KIAA0319: variants seen among roughly 807,000 people sequenced by gnomAD.
The protein encoded by KIAA0319 is KIAA0319.
In KIAA0319, 83 loss-of-function variants were observed where a neutral mutation model predicts 108.4. The ratio of observed to expected loss-of-function variants is 0.77; its 90% CI spans 0.64 to 0.92. KIAA0319 has a LOEUF of 0.92. Among genes scored for constraint, KIAA0319 ranks in the 40% least tolerant of loss-of-function variants. The pLI is 0.00. For synonymous variants in KIAA0319, 484 were observed against 510.4 expected, an observed-to-expected ratio of 0.95 and a Z score of 0.70; for missense variants, 1,195 against 1,322.4, an observed-to-expected ratio of 0.90 and a Z score of 1.49.
At position 24,572,913 on chromosome 6, in the gene KIAA0319, C is replaced by T. The variant is rs1458096556; in HGVS notation, c.1735-215G>A. On this transcript the variant is annotated intron_variant, in intron 10 of 20. Transcript: ENST00000378214. ...GGTGGATCACTTGAGGTCAGGAGTT[C>T]GAGACCAGCCTGGCCAACATGGTGG... Among the ~76,000 whole-genome samples, 8 of 152,066 alleles carry T rather than the reference C, an allele frequency of 5.3e-5. 1 individual carries two copies. The highest frequency in any genetic ancestry group is 1.9e-4 in the African/African-American group (8 of 41,484).
chr6:24,585,325 C>T (rs1327574059), intron 4 of KIAA0319, among the ~76,000 whole-genome samples: 2 of 151,168 alleles, frequency 1.3e-5, no homozygotes, highest in Admixed American at 6.6e-5. Flanking sequence ...AAACGAGATA[C>T]CTACAAAGAT....
intron 14 of KIAA0319, among the ~76,000 whole-genome samples, chr6:24,565,222 C>A (rs985002355): frequency 6.6e-6 from 1 of 151,452 alleles, no homozygotes; most frequent in Non-Finnish European, 1.5e-5. Context: ...CACTAAACTC[C>A]AGTCTAGGTG....
chr6:24,630,683 GTA>G (rs563881076), intron 1 of KIAA0319, among the ~76,000 whole-genome samples: 71 of 100,572 alleles, frequency 7.1e-4, no homozygotes, highest in Non-Finnish European at 1.0e-3. Flanking sequence ...GTGTATATGT[GTA>G]TATATATATA....
intron 13 of KIAA0319, 111 bp from the exon 14 acceptor site, chr6:24,566,859 T>A: frequency 9.8e-7 from 1 of 1,021,014 alleles, no homozygotes; most frequent in Non-Finnish European, 1.4e-6. Flanking sequence ...ATACAGTATG[T>A]AGAATTAAAA....
At chr6:24,560,296 G>A (rs534859678) in intron 16 of KIAA0319, among the ~76,000 whole-genome samples, 1 of 152,296 alleles carries the variant, frequency 6.6e-6, no homozygotes, top group Admixed American at 6.5e-5. Context: ...TTCCACAGTG[G>A]CTGTACCATT....
chr6:24,564,985 C>T (rs181631861), intron 14 of KIAA0319, among the ~76,000 whole-genome samples: 8 of 152,302 alleles, frequency 5.3e-5, no homozygotes, highest in East Asian at 1.9e-4. Flanking sequence ...TGGTGGCTCA[C>T]GCCTGTAATC....
chr6:24,618,421 C>T (rs1356044636), intron 1 of KIAA0319, among the ~76,000 whole-genome samples: 1 of 151,826 alleles, frequency 6.6e-6, no homozygotes, highest in Non-Finnish European at 1.5e-5. Flanking sequence ...CCAGCCTAGG[C>T]AACATAGTGA....
chr6:24,561,937 A>G (rs1387052056), intron 16 of KIAA0319, among the ~76,000 whole-genome samples: 1 of 152,152 alleles, frequency 6.6e-6, no homozygotes, highest in Non-Finnish European at 1.5e-5. Flanking sequence ...TCCTGACCTC[A>G]AGTGATCTGC....
chr6:24,550,187 G>A lies in KIAA0319; in HGVS notation c.3040+1247C>T, dbSNP rs1431073362. Among the ~76,000 whole-genome samples, 5 of 151,990 alleles carry A rather than the reference G, an allele frequency of 3.3e-5. No individual in the cohort carries two copies. In the South Asian group the frequency reaches 6.2e-4, roughly 19 times the overall value. On this transcript the variant is annotated intron_variant, in intron 20 of 20. Transcript: ENST00000378214. Reference sequence around the variant, plus strand: ...CATTCTGACCTGAGTGTTCCTACCCGGCATCGTCCATGCACTGATAGAACT... The same window carrying A: ...CATTCTGACCTGAGTGTTCCTACCCAGCATCGTCCATGCACTGATAGAACT...
In KIAA0319 at chr6:24,565,752, C is replaced by CAAAA. The variant is rs71542686; in HGVS notation, c.2292+841_2292+844dup. Reference sequence around the variant, plus strand: ...TGGGCGATAGAGTGAGACTCCATCTCAAAAAAAAAAAAAAAAAAAAAAGAA... The same window carrying CAAAA: ...TGGGCGATAGAGTGAGACTCCATCTCAAAAAAAAAAAAAAAAAAAAAAAAAAGAA... On this transcript the variant is annotated intron_variant, in intron 14 of 20. Transcript: ENST00000378214. 8.9e-3 allele frequency among the ~76,000 whole-genome samples: 558 copies of CAAAA among 62,634 alleles called. 11 individuals are homozygous for CAAAA. The highest frequency in any genetic ancestry group is 0.03 in the African/African-American group (515 of 17,076). 41.1% of individuals were successfully genotyped at this position (62,634 alleles called of 152,430 possible).
intron 1 of KIAA0319, among the ~76,000 whole-genome samples, chr6:24,602,346 A>G (rs925112530): frequency 2.6e-5 from 4 of 152,124 alleles, no homozygotes; most frequent in Non-Finnish European, 4.4e-5. Flanking sequence ...ATATTTTCAC[A>G]TTTTACCATT....
chr6:24,543,250 A>G (rs532031909), downstream of KIAA0319, among the ~76,000 whole-genome samples: 1 of 152,310 alleles, frequency 6.6e-6, no homozygotes, highest in Admixed American at 6.5e-5. Context: ...AGAAAATTCA[A>G]GCTAATCTCT....
At position 24,599,125 on chromosome 6, in the gene KIAA0319, G is replaced by C; in HGVS notation, c.55+1924C>G. 4.6e-6 allele frequency: 3 copies of C among 658,620 alleles called. No individual in the cohort carries two copies. Among genetic ancestry groups the C allele is most frequent in the Non-Finnish European group, 8.1e-6 (3 of 368,660 alleles). The allele number at this position is 658,620 out of a possible 1,614,324, so 40.8% of individuals were successfully genotyped here. ...AACAGCTGGTCCCTGGACATGGACA[G>C]CATCATTGCTGAGGTCAAGGCCCAG... On this transcript the variant is annotated intron_variant, in intron 2 of 20. Transcript: ENST00000378214. This position sits in a 1 kb window ranked among gnomAD's most constrained non-coding sequence, Gnocchi z 4.1.
chr6:24,598,747 G>A (rs1249835650), intron 2 of KIAA0319, among the ~76,000 whole-genome samples: 1 of 152,016 alleles, frequency 6.6e-6, no homozygotes, highest in East Asian at 1.9e-4. Flanking sequence ...ATAGTGGTGG[G>A]TGCCTGTAAT....
intron 1 of KIAA0319, among the ~76,000 whole-genome samples, chr6:24,612,126 T>C (rs966134439): frequency 4.0e-5 from 6 of 151,666 alleles, no homozygotes; most frequent in African/African-American, 1.5e-4. Context: ...AACAGTGAGA[T>C]GCCATTTTTT....
At chr6:24,581,516 A>G (rs1766541222) in intron 6 of KIAA0319, among the ~76,000 whole-genome samples, 1 of 152,150 alleles carries the variant, frequency 6.6e-6, no homozygotes, top group Admixed American at 6.5e-5. Context: ...GGCCAGAAAG[A>G]GGGCATGTTT....
At chr6:24,610,705 G>T (rs1009075818) in intron 1 of KIAA0319, among the ~76,000 whole-genome samples, 11 of 152,036 alleles carry the variant, frequency 7.2e-5, no homozygotes, top group African/African-American at 2.7e-4. Flanking sequence ...AGGATCGCTT[G>T]AGCCCACGAG....
chr6:24,579,144 T>C (rs1197862220), intron 8 of KIAA0319, among the ~76,000 whole-genome samples: 1 of 152,098 alleles, frequency 6.6e-6, no homozygotes, highest in African/African-American at 2.4e-5. Flanking sequence ...GTACATAAAA[T>C]GCAATTACCT....
At chr6:24,574,549 C>T (rs905901581) in intron 10 of KIAA0319, among the ~76,000 whole-genome samples, 2 of 151,968 alleles carry the variant, frequency 1.3e-5, no homozygotes, top group African/African-American at 4.8e-5. Flanking sequence ...AGGTTAATAC[C>T]CTTTCTTTTT....
Sources: allele counts gnomAD v4.1 joint callset (sites outside exome capture counted in the v4.1 genomes callset), GRCh38; gene constraint gnomAD v4.1.1; non-coding constraint Gnocchi (gnomAD v3.1); transcripts MANE v1.5; gene names NCBI Gene and HGNC (gene_info 2026-07-23, HGNC 2026-07-21).